Variants in CDKAL1 observed in about 807,000 individuals in gnomAD.
CDKAL1 encodes the protein CDKAL1 threonylcarbamoyladenosine tRNA methylthiotransferase.
A neutral mutation model predicts 68.2 loss-of-function variants in CDKAL1; 32 were observed. That is an observed-to-expected ratio of 0.47 (90% CI 0.35 to 0.63). CDKAL1 has a LOEUF of 0.63. Among genes scored for constraint, CDKAL1 ranks in the 30% least tolerant of loss-of-function variants. The probability of loss-of-function intolerance (pLI) is 0.00; values close to 1 mark genes in which losing one functional copy is unlikely to be tolerated. For missense variants in CDKAL1, 606 were observed against 696.7 expected, an observed-to-expected ratio of 0.87 and a Z score of 1.47; for synonymous variants, 234 against 244.3, an observed-to-expected ratio of 0.96 and a Z score of 0.39.
At chr6:20,880,833 TTA>T (rs1430883242) in intron 9 of CDKAL1, among the ~76,000 whole-genome samples, 1 of 152,172 alleles carries the variant, frequency 6.6e-6, no homozygotes, top group African/African-American at 2.4e-5. Flanking sequence ...AAATTTCTTA[TTA>T]TTGGTTCATG....
At chr6:20,968,556 G>C (rs535598363) in intron 10 of CDKAL1, among the ~76,000 whole-genome samples, 63 of 152,044 alleles carry the variant, frequency 4.1e-4, no homozygotes, top group African/African-American at 1.5e-3. Flanking sequence ...CCCATTATGT[G>C]TTTGTTGGTG....
At chr6:21,212,013 A>C (rs1407078795) in intron 15 of CDKAL1, among the ~76,000 whole-genome samples, 1 of 152,120 alleles carries the variant, frequency 6.6e-6, no homozygotes, top group East Asian at 1.9e-4. Flanking sequence ...CTCCAGCCTC[A>C]GCCTCTTAGA....
intron 9 of CDKAL1, among the ~76,000 whole-genome samples, 163 bp downstream of exon 9, chr6:20,846,341 GT>G (rs373427650): frequency 1.1e-4 from 16 of 152,240 alleles, no homozygotes; most frequent in East Asian, 1.9e-4. Context: ...TAATCACTTA[GT>G]TTATTTTTAC....
chr6:21,146,128 G>A (rs1182230877), intron 13 of CDKAL1, among the ~76,000 whole-genome samples: 1 of 152,180 alleles, frequency 6.6e-6, no homozygotes, highest in East Asian at 1.9e-4. Flanking sequence ...TGGACTGCAT[G>A]CACTACAGTT....
intron 13 of CDKAL1, among the ~76,000 whole-genome samples, chr6:21,137,591 T>TA (rs1481568353): frequency 2.0e-5 from 3 of 152,204 alleles, no homozygotes. Flanking sequence ...AAAACACGTA[T>TA]AGAATGGGAT....
At position 21,007,603 on chromosome 6, in the gene CDKAL1, A is replaced by G. The variant is rs572859796; in HGVS notation, c.1055+7231A>G. 1.3e-4 allele frequency among the ~76,000 whole-genome samples: 20 copies of G among 151,602 alleles called. No homozygotes were observed. The East Asian group carries it at 3.3e-3, about 25-fold the overall frequency. On this transcript the variant is annotated intron_variant, in intron 11 of 15. Coordinates refer to ENST00000274695, the MANE Select transcript of CDKAL1 (RefSeq NM_017774.3). ...TCCAATAGCATATATTAATTAAATGATTTCTATTTTTATCGGTTATGTGTC... is the reference window on the plus strand; with the variant it reads ...TCCAATAGCATATATTAATTAAATGGTTTCTATTTTTATCGGTTATGTGTC...
intron 12 of CDKAL1, among the ~76,000 whole-genome samples, chr6:21,075,080 A>T (rs2150949028): frequency 6.7e-6 from 1 of 149,180 alleles, no homozygotes; most frequent in South Asian, 2.1e-4. Flanking sequence ...AAAATCAATA[A>T]TGAAAGTAGA....
chr6:20,968,067 G>A (rs939064378), intron 10 of CDKAL1, among the ~76,000 whole-genome samples: 1 of 151,306 alleles, frequency 6.6e-6, no homozygotes. Flanking sequence ...ATTATGATGT[G>A]TCTGGGTGTA....
At chr6:20,737,282 C>T (rs1178526265) in intron 5 of CDKAL1, among the ~76,000 whole-genome samples, 1 of 152,246 alleles carries the variant, frequency 6.6e-6, no homozygotes, top group East Asian at 1.9e-4. Flanking sequence ...ATCCATCTCA[C>T]TGTCACCAAG....
At chr6:21,034,894 G>T (rs1389228975) in intron 11 of CDKAL1, among the ~76,000 whole-genome samples, 1 of 152,038 alleles carries the variant, frequency 6.6e-6, no homozygotes, top group Non-Finnish European at 1.5e-5. Flanking sequence ...AAGGCACAAG[G>T]TGTAAAAATT....
chr6:21,214,672 A>C (rs1371049680), intron 15 of CDKAL1, among the ~76,000 whole-genome samples: 1 of 152,114 alleles, frequency 6.6e-6, no homozygotes, highest in Non-Finnish European at 1.5e-5. Context: ...AACACAACCT[A>C]GTACTTCCTA....
intron 12 of CDKAL1, among the ~76,000 whole-genome samples, chr6:21,075,569 T>C (rs1281618681): frequency 6.6e-6 from 1 of 152,190 alleles, no homozygotes; most frequent in African/African-American, 2.4e-5. Context: ...AAAATTTATT[T>C]TTTTTAGCTT....
chr6:21,057,883 G>T (rs1188880949), intron 11 of CDKAL1, among the ~76,000 whole-genome samples: 1 of 152,134 alleles, frequency 6.6e-6, no homozygotes, highest in Non-Finnish European at 1.5e-5. Context: ...GAGACTGTTT[G>T]TTATGATTTC....
At chr6:21,009,776 A>G (rs920573385) in intron 11 of CDKAL1, among the ~76,000 whole-genome samples, 3 of 152,244 alleles carry the variant, frequency 2.0e-5, no homozygotes, top group Non-Finnish European at 4.4e-5. Flanking sequence ...TCTCACTCAT[A>G]TGCAGGAGCT....
intron 10 of CDKAL1, among the ~76,000 whole-genome samples, chr6:20,990,609 G>A (rs959801806): frequency 3.9e-5 from 6 of 152,192 alleles, no homozygotes; most frequent in East Asian, 1.9e-4. Context: ...CATTTGGGTC[G>A]TAAGAATTGG....
intron 11 of CDKAL1, among the ~76,000 whole-genome samples, chr6:21,021,954 C>T (rs1561968589): frequency 6.6e-6 from 1 of 152,128 alleles, no homozygotes; most frequent in Non-Finnish European, 1.5e-5. Flanking sequence ...ACTTATCTTT[C>T]TTAAATATAA....
intron 15 of CDKAL1, among the ~76,000 whole-genome samples, chr6:21,215,264 C>A (rs1779300397): frequency 6.6e-6 from 1 of 152,128 alleles, no homozygotes; most frequent in African/African-American, 2.4e-5. Flanking sequence ...GTGGTAAAGG[C>A]AAAGGAATAG....
rs1435294641 is a variant in CDKAL1 at position 21,231,632 on chromosome 6, T to G, written c.*593T>G. The G allele has an allele frequency of 6.6e-6, 1 of 152,278 alleles. No homozygotes were observed. The highest frequency in any genetic ancestry group is 2.4e-5 in the African/African-American group (1 of 41,440). 9.4% of individuals were successfully genotyped at this position (152,278 alleles called of 1,614,324 possible). A position where few individuals can be genotyped will look rare whatever the true frequency, so the allele number is the denominator to read the frequency against. The stretch of plus-strand genomic sequence containing the variant: ...TCAGTAGAGACGGAGTTTCACCATG[T>G]TGGCCAGGCTAGTCTCGAACTCCTG... On this transcript the variant is annotated 3_prime_UTR_variant, in exon 16 of 16. Transcript: ENST00000274695.
intron 15 of CDKAL1, among the ~76,000 whole-genome samples, chr6:21,222,198 T>C (rs1779562035): frequency 6.6e-6 from 1 of 152,208 alleles, no homozygotes; most frequent in Non-Finnish European, 1.5e-5. Context: ...ACAGTTCGCA[T>C]GTGTATGTAT....
Sources: gnomAD v4.1 joint callset for allele counts (sites outside exome capture counted in the v4.1 genomes callset) on GRCh38, gnomAD v4.1.1 for gene constraint, MANE v1.5 for transcripts, NCBI Gene and HGNC (gene_info 2026-07-23, HGNC 2026-07-21) for gene names.